Variants in INTS9 observed in about 807,000 individuals in gnomAD.
The protein encoded by INTS9 is protein related to CPSF subunits of 74 kDa.
Under a neutral mutation model 79.7 loss-of-function variants are expected in INTS9, and 55 were observed. The ratio of observed to expected loss-of-function variants is 0.69; its 90% CI spans 0.56 to 0.86. The LOEUF (loss-of-function observed/expected upper bound fraction) is 0.86, where lower values mean the gene tolerates loss of function less well. Among genes scored for constraint, INTS9 ranks in the 40% least tolerant of loss-of-function variants. The pLI, the probability that INTS9 is intolerant of heterozygous loss-of-function variation, is 0.00. For missense variants in INTS9, 721 were observed against 831.5 expected (o/e 0.87, Z 1.64); for synonymous variants, 319 against 325.2 (o/e 0.98, Z 0.20).
Position 28,859,428 on chromosome 8 carries a change from G to A in INTS9, c.137+8C>T. On this transcript the variant is annotated splice_region_variant and intron_variant, in intron 2 of 16. Coordinates refer to ENST00000521022, the MANE Select transcript of INTS9 (RefSeq NM_018250.4). ...GCTCATTTTGTCTTTGGCTGCACCAGCACATACCTTTGAACAAGTGGCAAA... is the reference window on the plus strand; with the variant it reads ...GCTCATTTTGTCTTTGGCTGCACCAACACATACCTTTGAACAAGTGGCAAA... The A allele has an allele frequency of 6.2e-7, 1 of 1,613,906 alleles. No homozygotes were observed. The highest frequency in any genetic ancestry group is 1.1e-5 in the South Asian group (1 of 91,050).
At chr8:28,814,024 G>A (rs1167143613) in intron 6 of INTS9, among the ~76,000 whole-genome samples, 1 of 151,050 alleles carries the variant, frequency 6.6e-6, no homozygotes, top group Non-Finnish European at 1.5e-5. Context: ...CTCCCAAAGT[G>A]CTGGGATTAC....
At chr8:28,833,625 C>CAAAAA (rs1806630114) in intron 6 of INTS9, among the ~76,000 whole-genome samples, 1 of 97,482 alleles carries the variant, frequency 1.0e-5, no homozygotes, top group Non-Finnish European at 2.2e-5. Flanking sequence ...GTCTCAAAAA[C>CAAAAA]AAAAACAAAA....
intron 6 of INTS9, among the ~76,000 whole-genome samples, chr8:28,827,353 T>G (rs1806210468): frequency 6.6e-6 from 1 of 151,972 alleles, no homozygotes; most frequent in Non-Finnish European, 1.5e-5. Flanking sequence ...AGCACACTTT[T>G]GTGTTTTTAT....
At chr8:28,852,294 CTTT>C (rs3054476) in intron 2 of INTS9, among the ~76,000 whole-genome samples, 261 of 146,080 alleles carry the variant, frequency 1.8e-3, no homozygotes, top group Middle Eastern at 3.5e-3. Context: ...CTGATAAACT[CTTT>C]TTTTTTTTTT....
chr8:28,833,423 C>T lies in INTS9; in HGVS notation c.488+1869G>A, dbSNP rs146331502. Among the ~76,000 whole-genome samples the T allele has an allele frequency of 4.5e-4, 69 of 152,026 alleles. No homozygotes were observed. The East Asian group carries it at 6.6e-3, about 15-fold the overall frequency. On this transcript the variant is annotated intron_variant, in intron 6 of 16. Transcript: ENST00000521022. ...GATGGTGAGGTCAAGAGATCAAGAC[C>T]GTCCTGGCCAACATGGTGAAACCCC...
chr8:28,777,283 C>T (rs192534132), intron 13 of INTS9, among the ~76,000 whole-genome samples: 339 of 152,252 alleles, frequency 2.2e-3, no homozygotes, highest in Non-Finnish European at 3.2e-3. Context: ...AGAAACCCAG[C>T]GAGCAGTGGC....
chr8:28,783,812 A>G (rs1803434034), intron 11 of INTS9: 1 of 152,168 alleles, frequency 6.6e-6, no homozygotes, highest in Non-Finnish European at 1.5e-5. Context: ...GGCCAAAATC[A>G]TTAGTTGTCT....
rs556710718 is a variant in INTS9, at chr8:28,773,614, C to T, written c.1563+2145G>A. Among the ~76,000 whole-genome samples the T allele has an allele frequency of 4.7e-5, 7 of 149,902 alleles. No homozygotes were observed. The South Asian group carries it at 8.4e-4, about 18-fold the overall frequency. On this transcript the variant is annotated intron_variant, in intron 14 of 16. Transcript: ENST00000521022. ...TTGCCCAAGCTGGAGTGCAGTGGCGCGATTTTGGCTCACTGCAACCTCAGC... is the reference window on the plus strand; with the variant it reads ...TTGCCCAAGCTGGAGTGCAGTGGCGTGATTTTGGCTCACTGCAACCTCAGC...
At position 28,837,695 on chromosome 8, in the gene INTS9, C is replaced by T. The variant is rs1401374446; in HGVS notation, c.343G>A (p.Glu115Lys). ...HCMMALPYIT[E>K]HTGFTGTVYA... ...ACTGTGCCTGTGAAGCCGGTGTGCT[C>T]GGTGATGTATGGCAGCGCCATCATA... The change falls in exon 5 of 17, where the codon GAG becomes AAG. Residue 115 changes from glutamate (E) to lysine (K), a missense_variant. By Grantham distance (56) the Glu-to-Lys change is moderately conservative. This residue lies in a region of INTS9 where 291 missense variants were observed against 307.0 expected (regional missense o/e 0.95). Coordinates refer to ENST00000521022, the MANE Select transcript of INTS9 (RefSeq NM_018250.4). The T allele has an allele frequency of 3.1e-6, 5 of 1,613,880 alleles. No homozygotes were observed. The highest frequency in any genetic ancestry group is 3.3e-5 in the Admixed American group (2 of 60,012).
In INTS9 at chr8:28,889,885, T is replaced by C. The variant is rs756663221; in HGVS notation, c.-3A>G. 104 of 1,613,650 alleles carry C rather than the reference T, an allele frequency of 6.4e-5. 2 individuals carry two copies. The South Asian group carries it at 8.0e-4, about 12-fold the overall frequency. On this transcript the variant is annotated 5_prime_UTR_variant, in exon 1 of 17. Transcript: ENST00000521022. Reference sequence around the variant, plus strand: ...GAGCGAAGACTCACCAGTTTCATAATGGACTTTTGGTGGTTCAATAGCAGT... The same window carrying C: ...GAGCGAAGACTCACCAGTTTCATAACGGACTTTTGGTGGTTCAATAGCAGT...
Position 28,781,007 on chromosome 8 carries a change from G to GA in INTS9, c.1099-14dup, listed in dbSNP as rs1803231231. 1.2e-6 allele frequency: 2 copies of GA among 1,606,338 alleles called. No homozygotes were observed. The highest frequency in any genetic ancestry group is 1.7e-6 in the Non-Finnish European group (2 of 1,174,592). ...TGGTCTGAATGAGCTGGAAAATATAGAAAAAATACAAAGAAATGTGAGCCT... is the reference window on the plus strand; with the variant it reads ...TGGTCTGAATGAGCTGGAAAATATAGAAAAAAATACAAAGAAATGTGAGCCT... On this transcript the variant is annotated splice_polypyrimidine_tract_variant and intron_variant, in intron 11 of 16. Coordinates refer to ENST00000521022, the MANE Select transcript of INTS9 (RefSeq NM_018250.4).
At chr8:28,814,353 TAAGAC>T (rs1805349157) in intron 6 of INTS9, among the ~76,000 whole-genome samples, 1 of 140,142 alleles carries the variant, frequency 7.1e-6, no homozygotes, top group African/African-American at 2.7e-5. Flanking sequence ...CACACACCCT[TAAGAC>T]AAAGAGAATG....
chr8:28,793,676 C>A, intron 10 of INTS9, 131 bp downstream of exon 10: 1 of 896,576 alleles, frequency 1.1e-6, no homozygotes, highest in Non-Finnish European at 1.6e-6. Context: ...GCAATCTTAT[C>A]ACAGACAGAA....
At position 28,777,813 on chromosome 8, in the gene INTS9, C is replaced by T. The variant is rs775186973; in HGVS notation, c.1395+16G>A. ...TGACATGACTACGTGAAGGCACAAG[C>T]AGTGTCCTTCATTACCTGCACTTCT... On this transcript the variant is annotated intron_variant, in intron 13 of 16. Transcript: ENST00000521022. 1.9e-6 allele frequency: 3 copies of T among 1,592,854 alleles called. No individual in the cohort carries two copies. Among genetic ancestry groups the T allele is most frequent in the African/African-American group, 1.4e-5 (1 of 73,850 alleles).
intron 8 of INTS9, among the ~76,000 whole-genome samples, chr8:28,809,811 C>T (rs978363412): frequency 2.6e-5 from 4 of 152,044 alleles, no homozygotes; most frequent in Non-Finnish European, 5.9e-5. Flanking sequence ...CCCAGAATTC[C>T]GCCAGATGCA....
At chr8:28,845,812 C>A (rs1344505406) in intron 4 of INTS9, among the ~76,000 whole-genome samples, 1 of 152,184 alleles carries the variant, frequency 6.6e-6, no homozygotes, top group African/African-American at 2.4e-5. Flanking sequence ...TATCTGACAC[C>A]TTCAATTACC....
At chr8:28,796,751 C>A in intron 8 of INTS9, 96 bp from the exon 9 acceptor site, 1 of 794,458 alleles carries the variant, frequency 1.3e-6, no homozygotes, top group South Asian at 1.5e-5. Context: ...GCTCTTTCTA[C>A]GTTTAACCCA....
chr8:28,789,758 G>A (rs1345521550), intron 10 of INTS9, among the ~76,000 whole-genome samples: 7 of 152,154 alleles, frequency 4.6e-5, no homozygotes, highest in Admixed American at 3.9e-4. Flanking sequence ...GACACCTGTA[G>A]TCCCAGGTAC....
At chr8:28,831,369 A>G (rs1806478475) in intron 6 of INTS9, among the ~76,000 whole-genome samples, 1 of 152,222 alleles carries the variant, frequency 6.6e-6, no homozygotes, top group Non-Finnish European at 1.5e-5. Context: ...CTTAACACCT[A>G]GGTGAAGGGT....
Sources: allele counts gnomAD v4.1 joint callset (sites outside exome capture counted in the v4.1 genomes callset), GRCh38; gene constraint gnomAD v4.1.1; regional missense constraint gnomAD v4.1.1; transcripts MANE v1.5; gene names NCBI Gene and HGNC (gene_info 2026-07-23, HGNC 2026-07-21).